Variants in TMEM232 observed in about 807,000 individuals in gnomAD.
The protein encoded by TMEM232 is transmembrane protein 232.
TMEM232 carries 80 observed loss-of-function variants against 78.8 expected under a neutral mutation model. The observed-to-expected ratio is 1.01, with a 90% CI of 0.85 to 1.22. The LOEUF is 1.22. TMEM232 is among the 50% of genes most tolerant of loss of function. The pLI, the probability that TMEM232 is intolerant of heterozygous loss-of-function variation, is 0.00. For missense variants in TMEM232, 881 were observed against 742.2 expected (o/e 1.19, Z -2.17); for synonymous variants, 297 against 254.3 (o/e 1.17, Z -1.60).
At chr5:110,661,151 A>G (rs1044952815) in intron 2 of TMEM232, among the ~76,000 whole-genome samples, 7 of 152,222 alleles carry the variant, frequency 4.6e-5, no homozygotes, top group Non-Finnish European at 1.0e-4. Flanking sequence ...CAATGTTGTT[A>G]CAAGTGACAG....
intron 11 of TMEM232, among the ~76,000 whole-genome samples, chr5:110,533,693 C>T (rs1771894949): frequency 6.6e-6 from 1 of 152,152 alleles, no homozygotes; most frequent in African/African-American, 2.4e-5. Flanking sequence ...AATCTGGCCT[C>T]CCACATTATT....
intron 1 of TMEM232, among the ~76,000 whole-genome samples, chr5:110,705,593 A>C (rs1230235810): frequency 6.6e-6 from 1 of 152,006 alleles, no homozygotes; most frequent in Non-Finnish European, 1.5e-5. Flanking sequence ...AAACATGACC[A>C]ACCATTTTGG....
At chr5:110,423,637 G>A (rs1756912452) in intron 13 of TMEM232, among the ~76,000 whole-genome samples, 1 of 152,098 alleles carries the variant, frequency 6.6e-6, no homozygotes, top group Non-Finnish European at 1.5e-5. Flanking sequence ...TCATGGCAGT[G>A]ATTACTTGGA....
At chr5:110,533,200 C>G (rs186546733) in intron 11 of TMEM232, among the ~76,000 whole-genome samples, 87 of 152,332 alleles carry the variant, frequency 5.7e-4, no homozygotes, top group African/African-American at 2.1e-3. Flanking sequence ...GGCTGTACTG[C>G]CGCAAGGCTT....
intron 12 of TMEM232, among the ~76,000 whole-genome samples, chr5:110,520,640 C>T (rs1216245173): frequency 6.6e-6 from 1 of 152,138 alleles, no homozygotes; most frequent in African/African-American, 2.4e-5. Context: ...TAATAATGGG[C>T]TGGGCATGGT....
At chr5:110,633,877 A>G (rs1458507077) in intron 5 of TMEM232, among the ~76,000 whole-genome samples, 1 of 152,186 alleles carries the variant, frequency 6.6e-6, no homozygotes, top group Non-Finnish European at 1.5e-5. Flanking sequence ...AACAGAATAA[A>G]TTCTTCACTT....
At chr5:110,668,438 C>G (rs1159603778) in intron 1 of TMEM232, among the ~76,000 whole-genome samples, 1 of 152,134 alleles carries the variant, frequency 6.6e-6, no homozygotes, top group African/African-American at 2.4e-5. Flanking sequence ...GCCTGTGCTA[C>G]TCATTTGCCA....
At chr5:110,450,858 A>G (rs1178973216) in intron 12 of TMEM232, among the ~76,000 whole-genome samples, 5 of 152,108 alleles carry the variant, frequency 3.3e-5, no homozygotes, top group African/African-American at 9.7e-5. Flanking sequence ...TAAGTGTGAA[A>G]CTTCTGAGTT....
downstream of TMEM232, among the ~76,000 whole-genome samples, chr5:110,419,197 A>G (rs1429982201): frequency 6.6e-6 from 1 of 152,074 alleles, no homozygotes; most frequent in Non-Finnish European, 1.5e-5. Context: ...CAAGGGAAGA[A>G]AGCAAAGATG....
chr5:110,612,329 T>C (rs1262063075), intron 8 of TMEM232, among the ~76,000 whole-genome samples: 14 of 152,140 alleles, frequency 9.2e-5, no homozygotes, highest in Non-Finnish European at 8.8e-5. Context: ...TTACCCTTGA[T>C]ACAGACTAAG....
chr5:110,432,296 C>T (rs189906530), intron 12 of TMEM232, among the ~76,000 whole-genome samples: 14 of 151,740 alleles, frequency 9.2e-5, no homozygotes, highest in Middle Eastern at 3.4e-3. Flanking sequence ...TTAGCAGAAG[C>T]CTTACAAACC....
At chr5:110,532,939 G>C (rs746202941) in intron 11 of TMEM232, among the ~76,000 whole-genome samples, 3 of 152,040 alleles carry the variant, frequency 2.0e-5, no homozygotes. Context: ...CATTTTACCT[G>C]TCCTAAAACC....
At chr5:110,577,388 G>A (rs1366423304) in intron 10 of TMEM232, among the ~76,000 whole-genome samples, 1 of 152,116 alleles carries the variant, frequency 6.6e-6, no homozygotes, top group Non-Finnish European at 1.5e-5. Flanking sequence ...TGCTGGTGAA[G>A]TTGTGGAGGA....
downstream of TMEM232, among the ~76,000 whole-genome samples, chr5:110,415,632 T>C (rs1756174728): frequency 6.6e-6 from 1 of 152,084 alleles, no homozygotes; most frequent in African/African-American, 2.4e-5. Flanking sequence ...GAAATTCTAC[T>C]GTATGTGTTC....
rs548885824 is a variant in TMEM232, at chr5:110,577,876, TGGAGGGTGGGA to T, written c.1277-9262_1277-9252del. On this transcript the variant is annotated intron_variant, in intron 10 of 13. Coordinates refer to ENST00000455884, the MANE Select transcript of TMEM232 (RefSeq NM_001039763.4). Reference sequence around the variant, plus strand: ...CATACACTGGGGCCTTTTTGGAGGGTGGAGGGTGGGAGGAGGGAGAAGATCAGGATACATAA... The same window carrying T: ...CATACACTGGGGCCTTTTTGGAGGGTGGAGGGAGAAGATCAGGATACATAA... 2.0e-3 allele frequency among the ~76,000 whole-genome samples: 297 copies of T among 150,282 alleles called. 1 individual carries two copies. The highest frequency in any genetic ancestry group is 6.2e-3 in the African/African-American group (255 of 40,966).
Position 110,420,588 on chromosome 5 carries a change from C to T in TMEM232, c.1966G>A (p.Val656Ile), listed in dbSNP as rs1282080918. 3 of 1,459,054 alleles carry T rather than the reference C, an allele frequency of 2.1e-6. No homozygotes were observed. Among genetic ancestry groups the T allele is most frequent in the African/African-American group, 3.0e-5 (2 of 67,750 alleles). 90.4% of individuals were successfully genotyped at this position (1,459,054 alleles called of 1,614,324 possible). A position where few individuals can be genotyped will look rare whatever the true frequency, so the allele number is the denominator to read the frequency against. Residue 656 changes from valine to isoleucine, a missense_variant, in exon 14 of 14, where the codon GTA becomes ATA. Coordinates refer to ENST00000455884, the MANE Select transcript of TMEM232 (RefSeq NM_001039763.4). ...KPYELPYRKEVI is the reference protein window; with the variant it reads ...KPYELPYRKEII ...GACATTTTCTTTTCTAATTAAATTACTTCCTTCCTATAAGGAAGTTCATAG... is the reference window on the plus strand; with the variant it reads ...GACATTTTCTTTTCTAATTAAATTATTTCCTTCCTATAAGGAAGTTCATAG...
intron 1 of TMEM232, among the ~76,000 whole-genome samples, chr5:110,713,840 T>C (rs1173304924): frequency 1.3e-5 from 2 of 152,152 alleles, no homozygotes; most frequent in Admixed American, 6.6e-5. Flanking sequence ...AAAGGCAAAC[T>C]GCAGTGCAAA....
chr5:110,436,889 T>G (rs546035076), intron 12 of TMEM232, among the ~76,000 whole-genome samples: 10 of 152,094 alleles, frequency 6.6e-5, no homozygotes, highest in Non-Finnish European at 1.3e-4. Context: ...GTAATGTTAT[T>G]CCTCGAGTTT....
upstream of TMEM232, among the ~76,000 whole-genome samples, chr5:110,728,768 T>C (rs1388648060): frequency 6.6e-6 from 1 of 150,636 alleles, no homozygotes; most frequent in African/African-American, 2.4e-5. Flanking sequence ...AAAATAAGCA[T>C]GTCAAAACCA....
Sources: gnomAD v4.1 joint callset for allele counts (sites outside exome capture counted in the v4.1 genomes callset) on GRCh38, gnomAD v4.1.1 for gene constraint, MANE v1.5 for transcripts, NCBI Gene and HGNC (gene_info 2026-07-23, HGNC 2026-07-21) for gene names.